Variants in ANXA3 observed in about 807,000 individuals in gnomAD.
ANXA3 encodes annexin A3.
Under a neutral mutation model 48.8 loss-of-function variants are expected in ANXA3, and 46 were observed. The ratio of observed to expected loss-of-function variants is 0.94; its 90% CI spans 0.74 to 1.21. The LOEUF is 1.21. ANXA3 is among the 50% of genes most tolerant of loss of function. ANXA3 has a pLI of 0.00. For missense variants in ANXA3, 383 were observed against 378.6 expected (o/e 1.01, Z -0.10); for synonymous variants, 128 against 134.7 (o/e 0.95, Z 0.35).
At chr4:78,585,128 C>A (rs369279113) in intron 5 of ANXA3, among the ~76,000 whole-genome samples, 1 of 152,236 alleles carries the variant, frequency 6.6e-6, no homozygotes, top group Non-Finnish European at 1.5e-5. Context: ...TAACTGCGTT[C>A]TTTGCAGCTG....
chr4:78,598,735 T>C (rs1046679122), intron 10 of ANXA3, among the ~76,000 whole-genome samples: 1 of 152,118 alleles, frequency 6.6e-6, no homozygotes, highest in South Asian at 2.1e-4. Flanking sequence ...AGACAGGGTT[T>C]CACCATGTTG....
chr4:78,554,550 G>C (rs1398281331), intron 2 of ANXA3, 62 bp downstream of exon 2: 1 of 1,474,394 alleles, frequency 6.8e-7, no homozygotes, highest in Non-Finnish European at 9.4e-7. Context: ...AAACACAGAA[G>C]GTCAAGATAG....
In ANXA3 at chr4:78,610,153, TC is replaced by T; in HGVS notation, c.*41del. 1 of 1,465,090 alleles carries T rather than the reference TC, an allele frequency of 6.8e-7. No homozygotes were observed. Among genetic ancestry groups the T allele is most frequent in the African/African-American group, 1.4e-5 (1 of 71,664 alleles). The allele number at this position is 1,465,090 out of a possible 1,614,324, so 90.8% of individuals were successfully genotyped here. Reference sequence around the variant, plus strand: ...ATCTCCAAAGGTCCACGATGGGCTTTCCCAACAGCTCCACCTTACTTCTTCT... The same window carrying T: ...ATCTCCAAAGGTCCACGATGGGCTTTCCAACAGCTCCACCTTACTTCTTCT... On this transcript the variant is annotated 3_prime_UTR_variant, in exon 13 of 13. Transcript: ENST00000264908.
At chr4:78,571,054 T>C (rs1722832609) in intron 2 of ANXA3, 1 of 152,156 alleles carries the variant, frequency 6.6e-6, no homozygotes, top group East Asian at 1.9e-4. Context: ...CTCTGTCACC[T>C]AGACTACAGT....
intron 2 of ANXA3, among the ~76,000 whole-genome samples, chr4:78,571,522 C>G (rs1578393912): frequency 6.6e-6 from 1 of 152,200 alleles, no homozygotes; most frequent in Non-Finnish European, 1.5e-5. Flanking sequence ...TTTCCATTCA[C>G]TTTAATGTGA....
At chr4:78,561,942 G>C (rs983711397) in intron 2 of ANXA3, among the ~76,000 whole-genome samples, 1 of 152,240 alleles carries the variant, frequency 6.6e-6, no homozygotes, top group Non-Finnish European at 1.5e-5. Context: ...TCATCTGAGT[G>C]AGAACAGAGA....
chr4:78,582,772 C>A (rs1723099419), intron 5 of ANXA3, among the ~76,000 whole-genome samples: 1 of 152,162 alleles, frequency 6.6e-6, no homozygotes, highest in Non-Finnish European at 1.5e-5. Context: ...TCTAACTGGT[C>A]CCTTTGCCTC....
intron 2 of ANXA3, among the ~76,000 whole-genome samples, chr4:78,566,219 CT>C (rs2109928687): frequency 6.6e-6 from 1 of 152,198 alleles, no homozygotes; most frequent in East Asian, 1.9e-4. Context: ...ACATCAATGG[CT>C]TGTTTGTCCC....
chr4:78,595,307 C>T (rs1042529069), intron 7 of ANXA3, 74 bp from the exon 8 acceptor site: 1 of 1,507,744 alleles, frequency 6.6e-7, no homozygotes, highest in Admixed American at 1.7e-5. Context: ...CTAAGATCCC[C>T]TGCTGGTTGA....
intron 6 of ANXA3, 71 bp from the exon 7 acceptor site, chr4:78,591,473 A>G: frequency 9.4e-7 from 1 of 1,060,964 alleles, no homozygotes; most frequent in Non-Finnish European, 1.4e-6. Context: ...GTTGGCATTT[A>G]AACTTTTCTC....
intron 2 of ANXA3, among the ~76,000 whole-genome samples, chr4:78,570,037 G>A (rs1722812082): frequency 6.6e-6 from 1 of 152,222 alleles, no homozygotes; most frequent in African/African-American, 2.4e-5. Context: ...TGTAAGTCAT[G>A]TAATATTTCC....
At chr4:78,578,950 G>A (rs753437286) in intron 3 of ANXA3, 77 bp from the exon 4 acceptor site, 1 of 762,862 alleles carries the variant, frequency 1.3e-6, no homozygotes, top group Non-Finnish European at 2.2e-6. Flanking sequence ...TTTGTCTCAG[G>A]CCATTGATCA....
intron 11 of ANXA3, chr4:78,602,876 T>C (rs1187798027): frequency 6.6e-6 from 1 of 152,470 alleles, no homozygotes; most frequent in Non-Finnish European, 1.5e-5. Flanking sequence ...TTCTTGACTA[T>C]GCCTCAGCCA....
chr4:78,592,762 AAG>A (rs951613873), intron 7 of ANXA3, among the ~76,000 whole-genome samples: 8 of 152,294 alleles, frequency 5.3e-5, no homozygotes, highest in Non-Finnish European at 1.0e-4. Context: ...GATTAAGAGA[AAG>A]AGAGAGTATG....
intron 3 of ANXA3, among the ~76,000 whole-genome samples, chr4:78,573,857 A>G (rs1044668945): frequency 6.6e-6 from 1 of 152,230 alleles, no homozygotes; most frequent in Non-Finnish European, 1.5e-5. Flanking sequence ...TAATTAGCAT[A>G]TAATGAGATC....
At chr4:78,573,100 T>C in intron 2 of ANXA3, 80 bp from the exon 3 acceptor site, 1 of 1,041,438 alleles carries the variant, frequency 9.6e-7, no homozygotes, top group Non-Finnish European at 1.5e-6. Context: ...ATGCCTCTCA[T>C]ATGCATGAAG....
rs555816201 is a variant in ANXA3 at position 78,596,155 on chromosome 4, G to C, written c.634+268G>C. ...GGAGGTGGCAGGGAGAAGAAAAGAG[G>C]CCACCCTCTAGGGTGAGAGTAGAAG... On this transcript the variant is annotated intron_variant, in intron 9 of 12. Coordinates refer to ENST00000264908, the MANE Select transcript of ANXA3 (RefSeq NM_005139.3). Among the ~76,000 whole-genome samples the C allele has an allele frequency of 1.3e-3, 193 of 152,260 alleles. 1 individual carries two copies. In the Middle Eastern group the frequency reaches 0.024, roughly 19 times the overall value.
intron 1 of ANXA3, 129 bp from the exon 2 acceptor site, chr4:78,554,307 C>T: frequency 1.5e-6 from 1 of 672,878 alleles, no homozygotes; most frequent in Non-Finnish European, 2.6e-6. Context: ...CAGATATATG[C>T]TCTTCCTGAG....
chr4:78,558,379 A>T (rs1434411227), intron 2 of ANXA3, among the ~76,000 whole-genome samples: 1 of 152,266 alleles, frequency 6.6e-6, no homozygotes, highest in African/African-American at 2.4e-5. Flanking sequence ...AAAAACCCTC[A>T]GATTTCCAAT....
Sources: gnomAD v4.1 joint callset for allele counts (sites outside exome capture counted in the v4.1 genomes callset) on GRCh38, gnomAD v4.1.1 for gene constraint, MANE v1.5 for transcripts, NCBI Gene and HGNC (gene_info 2026-07-23, HGNC 2026-07-21) for gene names.